The following CENPP variants were observed in gnomAD, a reference collection of about 807,000 sequenced individuals.
CENPP encodes the protein centromere protein P.
In CENPP, 24 loss-of-function variants were observed where a neutral mutation model predicts 35.6. That is an observed-to-expected ratio of 0.67 (90% CI 0.49 to 0.95). The LOEUF (loss-of-function observed/expected upper bound fraction) is 0.95. Ranked by LOEUF, CENPP falls within the 40% of genes least tolerant of loss-of-function variation. The probability of loss-of-function intolerance (pLI) is 0.00; values close to 1 mark genes in which losing one functional copy is unlikely to be tolerated. For missense variants in CENPP, 332 were observed against 345.3 expected, an observed-to-expected ratio of 0.96 and a Z score of 0.31; for synonymous variants, 120 against 125.5, an observed-to-expected ratio of 0.96 and a Z score of 0.29.
chr9:92,340,889 C>A (rs1322024880), intron 3 of CENPP, among the ~76,000 whole-genome samples: 1 of 152,104 alleles, frequency 6.6e-6, no homozygotes, highest in Non-Finnish European at 1.5e-5. Context: ...AGCAATTGTT[C>A]AGGGAATAAG....
chr9:92,344,700 A>G lies in CENPP; in HGVS notation c.379-999A>G, dbSNP rs1841231179. Among the ~76,000 whole-genome samples, 5 of 151,812 alleles carry G rather than the reference A, an allele frequency of 3.3e-5. No individual in the cohort carries two copies. The South Asian group carries it at 1.0e-3, about 32-fold the overall frequency. On this transcript the variant is annotated intron_variant, in intron 3 of 7. Transcript: ENST00000375587. ...GTAGCTGGGATTACAGGCGCCTGCC[A>G]CGACGCCTAGCTAATTTTTTGTATT...
intron 4 of CENPP, among the ~76,000 whole-genome samples, chr9:92,372,543 T>C (rs1842034367): frequency 6.6e-6 from 1 of 152,218 alleles, no homozygotes; most frequent in Non-Finnish European, 1.5e-5. Flanking sequence ...TTTTACACTT[T>C]CATGTGATTT....
At chr9:92,431,596 A>G (rs1844110535) in intron 5 of CENPP, among the ~76,000 whole-genome samples, 1 of 151,728 alleles carries the variant, frequency 6.6e-6, no homozygotes, top group Non-Finnish European at 1.5e-5. Flanking sequence ...TTTTTCCAAG[A>G]CAGAGTCTAG....
chr9:92,372,845 A>C (rs1021919527), intron 4 of CENPP, among the ~76,000 whole-genome samples: 2 of 148,110 alleles, frequency 1.4e-5, no homozygotes, highest in Non-Finnish European at 3.0e-5. Context: ...AGGTGACTAG[A>C]CTCCTTTCTC....
At chr9:92,364,264 C>G (rs541516354) in intron 4 of CENPP, among the ~76,000 whole-genome samples, 1 of 151,794 alleles carries the variant, frequency 6.6e-6, no homozygotes, top group Non-Finnish European at 1.5e-5. Flanking sequence ...CACTCCTGGG[C>G]TCAAGCAGTC....
At chr9:92,390,606 G>A (rs1239852834) in intron 5 of CENPP, among the ~76,000 whole-genome samples, 4 of 152,002 alleles carry the variant, frequency 2.6e-5, no homozygotes, top group Admixed American at 6.6e-5. Context: ...GCGTACTTGC[G>A]TGTGCATCAC....
At chr9:92,556,383 C>CTG (rs1321638293) in intron 5 of CENPP, among the ~76,000 whole-genome samples, 1 of 152,028 alleles carries the variant, frequency 6.6e-6, no homozygotes, top group African/African-American at 2.4e-5. Context: ...GTGAAATGTT[C>CTG]TGTATATATA....
At chr9:92,399,675 G>T (rs72752453) in intron 5 of CENPP, among the ~76,000 whole-genome samples, 4,673 of 152,148 alleles carry the variant, frequency 0.031, 111 homozygotes, top group South Asian at 0.084. Context: ...TCTATTTGGA[G>T]TTTATTTTTT....
chr9:92,616,030 T>C lies in CENPP; in HGVS notation c.*2881T>C. 6.2e-7 allele frequency: 1 copy of C among 1,614,148 alleles called. No homozygotes were observed. ...CGGAAAAGGCAAACCTGGACCTCGA[T>C]GAAGGGACGACAGGCCTTTGATCAG... On this transcript the variant is annotated 3_prime_UTR_variant, in exon 8 of 8. Coordinates refer to ENST00000375587, the MANE Select transcript of CENPP (RefSeq NM_001012267.3).
chr9:92,356,775 C>T (rs1248258300), intron 4 of CENPP, among the ~76,000 whole-genome samples: 2 of 151,672 alleles, frequency 1.3e-5, no homozygotes, highest in East Asian at 1.9e-4. Context: ...AGATTAAAGA[C>T]AGGTGTAAGA....
At chr9:92,524,614 C>T in intron 5 of CENPP, among the ~76,000 whole-genome samples, 1 of 152,180 alleles carries the variant, frequency 6.6e-6, no homozygotes, top group East Asian at 1.9e-4. Context: ...CAGCTTTCCT[C>T]CTGCTCTTGC....
intron 5 of CENPP, among the ~76,000 whole-genome samples, chr9:92,559,619 A>G (rs1194568952): frequency 2.0e-5 from 3 of 152,116 alleles, no homozygotes; most frequent in Non-Finnish European, 4.4e-5. Context: ...GCTATAATCT[A>G]GTCCTGCCTC....
chr9:92,619,572 G>C lies in CENPP; in HGVS notation c.*6423G>C. On this transcript the variant is annotated 3_prime_UTR_variant, in exon 8 of 8. Coordinates refer to ENST00000375587, the MANE Select transcript of CENPP (RefSeq NM_001012267.3). ...CGACGCGGTACTGCTGCACCTGCAG[G>C]GGCGGGAAAGATCAGCTCCAGGTCA... 1 of 1,572,256 alleles carries C rather than the reference G, an allele frequency of 6.4e-7. No individual in the cohort carries two copies.
At chr9:92,554,782 C>T (rs1469470729) in intron 5 of CENPP, among the ~76,000 whole-genome samples, 2 of 152,052 alleles carry the variant, frequency 1.3e-5, no homozygotes, top group African/African-American at 2.4e-5. Flanking sequence ...AGACTACAGG[C>T]GCCTGCCACT....
chr9:92,335,680 A>G (rs1840903818), intron 2 of CENPP, among the ~76,000 whole-genome samples: 1 of 152,098 alleles, frequency 6.6e-6, no homozygotes, highest in Admixed American at 6.5e-5. Flanking sequence ...TCCTTTGTCA[A>G]AGATCAGTTG....
intron 4 of CENPP, among the ~76,000 whole-genome samples, chr9:92,364,362 C>T (rs1204460531): frequency 1.3e-5 from 2 of 152,070 alleles, no homozygotes; most frequent in African/African-American, 4.8e-5. Flanking sequence ...GAATTTTTAG[C>T]TTTTTCTATG....
chr9:92,520,547 G>T (rs776256994), intron 5 of CENPP, among the ~76,000 whole-genome samples: 47 of 152,098 alleles, frequency 3.1e-4, no homozygotes, highest in Non-Finnish European at 5.9e-4. Context: ...GAAAACATTT[G>T]GCAGTTCATC....
intron 4 of CENPP, 121 bp from the exon 5 acceptor site, chr9:92,379,642 T>G (rs1051627997): frequency 1.6e-6 from 1 of 642,436 alleles, no homozygotes; most frequent in African/African-American, 1.8e-5. Flanking sequence ...AGAATTGATA[T>G]GTAGAACTAC....
intron 5 of CENPP, among the ~76,000 whole-genome samples, chr9:92,448,887 T>C (rs1564325384): frequency 6.6e-6 from 1 of 152,150 alleles, no homozygotes; most frequent in Non-Finnish European, 1.5e-5. Flanking sequence ...ATTTAAACTA[T>C]AGCCTAAATG....
Sources: gnomAD v4.1 joint callset for allele counts (sites outside exome capture counted in the v4.1 genomes callset) on GRCh38, gnomAD v4.1.1 for gene constraint, MANE v1.5 for transcripts, NCBI Gene and HGNC (gene_info 2026-07-23, HGNC 2026-07-21) for gene names.